Variants in CPNE4 observed in about 807,000 individuals in gnomAD.
CPNE4 encodes the protein copine-4.
In CPNE4, 25 loss-of-function variants were observed where a neutral mutation model predicts 67.9. The observed-to-expected ratio is 0.37, with a 90% CI of 0.27 to 0.51. CPNE4 has a LOEUF of 0.51. Among genes scored for constraint, CPNE4 ranks in the 20% least tolerant of loss-of-function variants. The pLI is 0.93. For missense variants in CPNE4, 464 were observed against 690.8 expected (o/e 0.67, Z 3.68); for synonymous variants, 242 against 244.9 (o/e 0.99, Z 0.11).
At chr3:131,790,948 A>C (rs1440682213) in intron 2 of CPNE4, among the ~76,000 whole-genome samples, 3 of 152,074 alleles carry the variant, frequency 2.0e-5, no homozygotes, top group Non-Finnish European at 2.9e-5. Context: ...AATCTTTACC[A>C]AAAAAAATTT....
chr3:131,842,675 T>G (rs1513385), intron 2 of CPNE4, among the ~76,000 whole-genome samples: 87,301 of 149,766 alleles, frequency 0.58, 26,103 homozygotes, highest in East Asian at 0.86. Flanking sequence ...GCAAGCTAAG[T>G]TTTCCATCAC....
At position 131,549,800 on chromosome 3, in the gene CPNE4, T is replaced by A. The variant is rs1024280980; in HGVS notation, c.1302+147A>T. Reference sequence around the variant, plus strand: ...ATCCCCATGTTTCAGATGTCAAGACTGAGGATAGGAGGAGGTTAAGTCATT... The same window carrying A: ...ATCCCCATGTTTCAGATGTCAAGACAGAGGATAGGAGGAGGTTAAGTCATT... On this transcript the variant is annotated intron_variant, in intron 14 of 15. Coordinates refer to ENST00000429747, the MANE Select transcript of CPNE4 (RefSeq NM_130808.3). 5 of 851,094 alleles carry A rather than the reference T, an allele frequency of 5.9e-6. No individual in the cohort carries two copies. In the African/African-American group the frequency reaches 8.5e-5, roughly 15 times the overall value. 52.7% of individuals were successfully genotyped at this position (851,094 alleles called of 1,614,324 possible).
Position 131,817,692 on chromosome 3 carries a change from C to T in CPNE4, c.180+87572G>A, listed in dbSNP as rs183082463. On this transcript the variant is annotated intron_variant, in intron 2 of 15. Coordinates refer to ENST00000429747, the MANE Select transcript of CPNE4 (RefSeq NM_130808.3). The stretch of plus-strand genomic sequence containing the variant: ...AATGATTGAAAAGTGCAGGCCAGAA[C>T]AACACAGAAATTCCTGGAAAGAAGC... Among the ~76,000 whole-genome samples, 7 of 152,256 alleles carry T rather than the reference C, an allele frequency of 4.6e-5. No individual in the cohort carries two copies. In the East Asian group the frequency reaches 1.4e-3, roughly 29 times the overall value.
chr3:131,966,985 G>C (rs1193316851), intron 1 of CPNE4, among the ~76,000 whole-genome samples: 1 of 152,174 alleles, frequency 6.6e-6, no homozygotes. Flanking sequence ...TAAAATGCTA[G>C]CAAGCTGAAT....
intron 2 of CPNE4, among the ~76,000 whole-genome samples, chr3:131,810,880 G>C (rs910971365): frequency 1.6e-4 from 25 of 152,104 alleles, no homozygotes; most frequent in Non-Finnish European, 3.2e-4. Context: ...CATGCCATTT[G>C]TGACAACCTT....
At chr3:131,874,182 G>A (rs536648305) in intron 2 of CPNE4, among the ~76,000 whole-genome samples, 12 of 151,332 alleles carry the variant, frequency 7.9e-5, no homozygotes, top group African/African-American at 2.9e-4. Flanking sequence ...TCCGCCTCCC[G>A]GGTTCACGCC....
chr3:131,960,470 T>C lies in CPNE4; in HGVS notation c.-1-55026A>G, dbSNP rs534705920. ...AAGCAAGCTTGCAACGCATTCAGCA[T>C]TAGTCATGAGGTCAGCTTGCTCTCT... On this transcript the variant is annotated intron_variant, in intron 1 of 15. Transcript: ENST00000429747. Among the ~76,000 whole-genome samples, 3 of 152,282 alleles carry C rather than the reference T, an allele frequency of 2.0e-5. No homozygotes were observed. In the East Asian group the frequency reaches 5.8e-4, roughly 29 times the overall value.
rs553627392 is a variant in CPNE4, at chr3:131,944,264, A to G, written c.-1-38820T>C. 2.0e-5 allele frequency among the ~76,000 whole-genome samples: 3 copies of G among 151,936 alleles called. No individual in the cohort carries two copies. In the South Asian group the frequency reaches 6.2e-4, roughly 32 times the overall value. On this transcript the variant is annotated intron_variant, in intron 1 of 15. Transcript: ENST00000429747. ...AAAAGAATACATGCAGGGAAAGCCC[A>G]GAGCAGTTTGGTGTCATCCCTTCCA...
rs2081932777 is a variant in CPNE4 at position 131,723,361 on chromosome 3, G to GATTAGATGA, written c.360+76_360+84dup. On this transcript the variant is annotated intron_variant, in intron 3 of 15. Transcript: ENST00000429747. ...AATACAATCAATAGGAAAAAGCAAG[G>GATTAGATGA]ATTAGATGAAGGAAGAGAGGGAAAG... 7.4e-6 allele frequency: 9 copies of GATTAGATGA among 1,223,242 alleles called. No homozygotes were observed. The South Asian group carries it at 1.3e-4, about 17-fold the overall frequency. 75.8% of individuals were successfully genotyped at this position (1,223,242 alleles called of 1,614,324 possible).
intron 7 of CPNE4, among the ~76,000 whole-genome samples, chr3:131,632,417 T>G (rs987729184): frequency 1.3e-5 from 2 of 152,122 alleles, no homozygotes; most frequent in Non-Finnish European, 2.9e-5. Context: ...CCTAAGTCAC[T>G]CAGTCAGTAA....
intron 2 of CPNE4, among the ~76,000 whole-genome samples, chr3:131,784,569 G>A (rs1200952034): frequency 1.3e-5 from 2 of 151,998 alleles, no homozygotes; most frequent in Non-Finnish European, 2.9e-5. Flanking sequence ...AAAACTGAAG[G>A]GTTAACGTCT....
intron 2 of CPNE4, among the ~76,000 whole-genome samples, chr3:131,859,663 T>G (rs778786993): frequency 3.9e-5 from 6 of 152,174 alleles, no homozygotes; most frequent in Non-Finnish European, 8.8e-5. Context: ...ATAGGCAAGA[T>G]TGAGCACCAA....
chr3:131,938,553 C>T (rs1235368089), intron 1 of CPNE4, among the ~76,000 whole-genome samples: 1 of 152,020 alleles, frequency 6.6e-6, no homozygotes, highest in Non-Finnish European at 1.5e-5. Context: ...TTCTGCATGG[C>T]TGGAGAGGCC....
In CPNE4 at chr3:132,016,038, ATGAG is replaced by A. The variant is rs545228385; in HGVS notation, c.-2+18525_-2+18528del. On this transcript the variant is annotated intron_variant, in intron 1 of 15. Transcript: ENST00000429747. The stretch of plus-strand genomic sequence containing the variant: ...ACAGGTGAAATAAATGTACATATCA[ATGAG>A]TAAGAAAATTGGAGACTTTTCCAGA... 1.9e-3 allele frequency among the ~76,000 whole-genome samples: 291 copies of A among 152,376 alleles called. 1 individual carries two copies. The highest frequency in any genetic ancestry group is 6.0e-3 in the African/African-American group (250 of 41,596).
chr3:131,906,247 GTTTT>G (rs995462034), intron 1 of CPNE4, among the ~76,000 whole-genome samples: 3 of 148,800 alleles, frequency 2.0e-5, no homozygotes, highest in Non-Finnish European at 3.0e-5. Flanking sequence ...TTTTGTTTTT[GTTTT>G]TTTGTTTTAT....
At chr3:131,632,769 T>G (rs6779443) in intron 7 of CPNE4, among the ~76,000 whole-genome samples, 41,568 of 151,876 alleles carry the variant, frequency 0.27, 9,381 homozygotes, top group African/African-American at 0.62. Flanking sequence ...GCTCAGGCCT[T>G]AGGTCAGGTT....
intron 2 of CPNE4, among the ~76,000 whole-genome samples, chr3:131,832,648 A>G (rs1444085747): frequency 6.6e-6 from 1 of 152,146 alleles, no homozygotes; most frequent in African/African-American, 2.4e-5. Context: ...CTGTCCCACT[A>G]TTGTATTTTG....
At chr3:131,537,530 G>A (rs542750264) in intron 15 of CPNE4, 16 of 191,428 alleles carry the variant, frequency 8.4e-5, no homozygotes, top group Admixed American at 3.1e-4. Flanking sequence ...TGATCCGCCC[G>A]CCTCAGCATC....
chr3:131,584,642 T>A (rs1559939075), intron 8 of CPNE4, among the ~76,000 whole-genome samples: 1 of 152,136 alleles, frequency 6.6e-6, no homozygotes, highest in Non-Finnish European at 1.5e-5. Flanking sequence ...TTTAAAAAAT[T>A]AAAACCAATC....
Sources: gnomAD v4.1 joint callset for allele counts (sites outside exome capture counted in the v4.1 genomes callset) on GRCh38, gnomAD v4.1.1 for gene constraint, MANE v1.5 for transcripts, NCBI Gene and HGNC (gene_info 2026-07-23, HGNC 2026-07-21) for gene names.